Variants in ASPH observed in about 807,000 individuals in gnomAD.
ASPH encodes the protein aspartate beta-hydroxylase, also known as aspartyl/asparaginyl beta-hydroxylase.
A neutral mutation model predicts 118.4 loss-of-function variants in ASPH; 100 were observed. The ratio of observed to expected loss-of-function variants is 0.84; its 90% CI spans 0.72 to 1.00. ASPH has a LOEUF of 1.00. Among genes scored for constraint, ASPH ranks in the 50% least tolerant of loss-of-function variants. ASPH has a pLI of 0.00. For missense variants in ASPH, 920 were observed against 919.5 expected (o/e 1.00, Z -0.01); for synonymous variants, 315 against 325.6 (o/e 0.97, Z 0.35).
At chr8:61,626,052 A>G in intron 13 of ASPH, 1 of 1,234,906 alleles carries the variant, frequency 8.1e-7, no homozygotes, top group Non-Finnish European at 1.0e-6. Flanking sequence ...AGGGACATGC[A>G]GGAATGTAAC....
chr8:61,529,608 C>G (rs1184595249), intron 21 of ASPH, among the ~76,000 whole-genome samples: 1 of 152,192 alleles, frequency 6.6e-6, no homozygotes, highest in Non-Finnish European at 1.5e-5. Flanking sequence ...ATAATATTCA[C>G]ATGGTTAGAG....
At chr8:61,584,095 A>G in intron 14 of ASPH, 66 bp from the exon 15 acceptor site, 2 of 1,043,290 alleles carry the variant, frequency 1.9e-6, no homozygotes, top group Non-Finnish European at 2.8e-6. Context: ...AAGCATAACA[A>G]TTTACAAGTA....
chr8:61,561,818 C>G (rs1830058154), intron 18 of ASPH, among the ~76,000 whole-genome samples: 1 of 152,190 alleles, frequency 6.6e-6, no homozygotes, highest in Non-Finnish European at 1.5e-5. Flanking sequence ...GTCCCAGCTA[C>G]TTAAGAGGCT....
chr8:61,507,089 A>G (rs890118802), intron 24 of ASPH, among the ~76,000 whole-genome samples: 1 of 152,246 alleles, frequency 6.6e-6, no homozygotes, highest in Non-Finnish European at 1.5e-5. Flanking sequence ...CCAAAGATCT[A>G]GAATTGTTTT....
At chr8:61,568,850 T>G (rs1395158133) in intron 16 of ASPH, among the ~76,000 whole-genome samples, 1 of 152,156 alleles carries the variant, frequency 6.6e-6, no homozygotes, top group African/African-American at 2.4e-5. Context: ...GAGATAACTC[T>G]TTTGAAGAGT....
rs765981950 is a variant in ASPH at position 61,638,331 on chromosome 8, C to T, written c.823G>A (p.Glu275Lys). 2 of 1,596,852 alleles carry T rather than the reference C, an allele frequency of 1.3e-6. No homozygotes were observed. Among genetic ancestry groups the T allele is most frequent in the Non-Finnish European group, 1.7e-6 (2 of 1,174,618 alleles). The change falls in exon 11 of 25, where the codon GAA becomes AAA. Residue 275 changes from glutamate to lysine, a missense_variant. Physicochemically the swap from Glu to Lys is moderately conservative, Grantham distance 56. Transcript: ENST00000379454. Reference protein sequence around the residue: ...VYEPLENEGIEITEVTAPPED... With the variant: ...VYEPLENEGIKITEVTAPPED... ...TACAGAAAAAACTTACCTGTGATTTCTATCCCTTCATTTTCTAGAGGTTCA... is the reference window on the plus strand; with the variant it reads ...TACAGAAAAAACTTACCTGTGATTTTTATCCCTTCATTTTCTAGAGGTTCA...
chr8:61,618,908 G>T (rs1273896213), intron 14 of ASPH, 70 bp downstream of exon 14: 4 of 1,336,646 alleles, frequency 3.0e-6, no homozygotes, highest in African/African-American at 1.5e-5. Flanking sequence ...GTTATTCTTG[G>T]ATGGAACATA....
At chr8:61,662,745 T>A in intron 3 of ASPH, 1 of 636,358 alleles carries the variant, frequency 1.6e-6, no homozygotes. Flanking sequence ...TTTTAAAGGA[T>A]CTTTAAATGT....
chr8:61,603,641 T>G lies in ASPH; in HGVS notation c.976+15337A>C, dbSNP rs530156993. 5.9e-5 allele frequency among the ~76,000 whole-genome samples: 9 copies of G among 152,354 alleles called. 1 individual carries two copies. In the South Asian group the frequency reaches 1.9e-3, roughly 32 times the overall value. ...ATTTTCAAACCATTTTGACACGTAT[T>G]TATTGAGTGCCTCACAGGTATTATG... On this transcript the variant is annotated intron_variant, in intron 14 of 24. Transcript: ENST00000379454.
intron 1 of ASPH, among the ~76,000 whole-genome samples, chr8:61,709,914 G>A (rs1213767626): frequency 1.3e-5 from 2 of 152,128 alleles, no homozygotes; most frequent in East Asian, 1.9e-4. Context: ...AGTCCTCAAA[G>A]CATAGTATAA....
chr8:61,616,067 T>C (rs968748830), intron 14 of ASPH, among the ~76,000 whole-genome samples: 1 of 152,210 alleles, frequency 6.6e-6, no homozygotes, highest in Non-Finnish European at 1.5e-5. Flanking sequence ...ATTTCCCCCT[T>C]AATAAAATAC....
In ASPH at chr8:61,537,553, T is replaced by C. The variant is rs555490273; in HGVS notation, c.1764+10518A>G. Reference sequence around the variant, plus strand: ...CCTGGCTAATTTATTATTATTATTATTATTTTGTAGCAACAGGTCTTGCTA... The same window carrying C: ...CCTGGCTAATTTATTATTATTATTACTATTTTGTAGCAACAGGTCTTGCTA... On this transcript the variant is annotated intron_variant, in intron 21 of 24. Transcript: ENST00000379454. Among the ~76,000 whole-genome samples the C allele has an allele frequency of 2.6e-5, 4 of 152,186 alleles. No individual in the cohort carries two copies. In the East Asian group the frequency reaches 7.7e-4, roughly 29 times the overall value.
chr8:61,506,861 C>T (rs1806784751), intron 24 of ASPH, among the ~76,000 whole-genome samples: 1 of 152,058 alleles, frequency 6.6e-6, no homozygotes, highest in Non-Finnish European at 1.5e-5. Context: ...TCCTTTGAGA[C>T]AACTAAAAAC....
intron 1 of ASPH, among the ~76,000 whole-genome samples, chr8:61,711,080 A>AAAT (rs71257380): frequency 1.3e-5 from 2 of 151,248 alleles, no homozygotes; most frequent in South Asian, 2.1e-4. Context: ...CAGACGGATT[A>AAAT]AATAATAATT....
In ASPH at chr8:61,688,841, T is replaced by G. The variant is rs1831613267; in HGVS notation, c.104-4653A>C. 9.2e-5 allele frequency among the ~76,000 whole-genome samples: 14 copies of G among 152,208 alleles called. 1 individual carries two copies. The highest frequency in any genetic ancestry group is 9.2e-4 in the Admixed American group (14 of 15,266). ...TAAAAGTCAGATACATATCTCATAT[T>G]CTTCTTCATGGCTACATGAAGCACT... On this transcript the variant is annotated intron_variant, in intron 1 of 24. Coordinates refer to ENST00000379454, the MANE Select transcript of ASPH (RefSeq NM_004318.4).
intron 22 of ASPH, among the ~76,000 whole-genome samples, chr8:61,518,873 G>A (rs1811898099): frequency 6.6e-6 from 1 of 152,286 alleles, no homozygotes; most frequent in South Asian, 2.1e-4. Context: ...GTCCCATGGT[G>A]TTATTCGAGG....
chr8:61,688,254 T>C (rs1831331023), intron 1 of ASPH, among the ~76,000 whole-genome samples: 1 of 152,198 alleles, frequency 6.6e-6, no homozygotes, highest in Admixed American at 6.5e-5. Flanking sequence ...AACCTGTAGT[T>C]CTGGGATCAG....
chr8:61,630,855 G>A (rs1364817462), intron 13 of ASPH, among the ~76,000 whole-genome samples: 1 of 152,138 alleles, frequency 6.6e-6, no homozygotes, highest in Non-Finnish European at 1.5e-5. Context: ...AGGTCCTTCA[G>A]GAGGTATCCA....
chr8:61,539,156 G>A (rs1444202939), intron 21 of ASPH, among the ~76,000 whole-genome samples: 2 of 152,126 alleles, frequency 1.3e-5, no homozygotes, highest in East Asian at 1.9e-4. Context: ...CATGAGAATC[G>A]CTTGAACCCG....
Sources: gnomAD v4.1 joint callset for allele counts (sites outside exome capture counted in the v4.1 genomes callset) on GRCh38, gnomAD v4.1.1 for gene constraint, MANE v1.5 for transcripts, NCBI Gene and HGNC (gene_info 2026-07-23, HGNC 2026-07-21) for gene names.